FHOD3: variants seen among roughly 807,000 people sequenced by gnomAD.
FHOD3 encodes the protein FH1/FH2 domain-containing protein 3.
FHOD3 carries 90 observed loss-of-function variants against 173.0 expected under a neutral mutation model. The ratio of observed to expected loss-of-function variants is 0.52; its 90% confidence interval spans 0.44 to 0.62. The LOEUF is 0.62. Ranked by LOEUF, FHOD3 falls within the 20% of genes least tolerant of loss-of-function variation. The pLI is 0.00. For missense variants in FHOD3, 1,945 were observed against 2,034.7 expected, an observed-to-expected ratio of 0.96 and a Z score of 0.85; for synonymous variants, 828 against 823.0, an observed-to-expected ratio of 1.01 and a Z score of -0.10.
At chr18:36,566,383 T>C (rs1270007002) in intron 5 of FHOD3, among the ~76,000 whole-genome samples, 1 of 152,214 alleles carries the variant, frequency 6.6e-6, no homozygotes, top group African/African-American at 2.4e-5. Flanking sequence ...TGTAAGGACT[T>C]CTGTTAAATG....
At chr18:36,625,157 A>G (rs993175555) in intron 9 of FHOD3, among the ~76,000 whole-genome samples, 1 of 152,136 alleles carries the variant, frequency 6.6e-6, no homozygotes, top group South Asian at 2.1e-4. Flanking sequence ...CAGAAAAGAG[A>G]CACGGGTGGG....
At chr18:36,710,915 T>C (rs2149689867) in intron 18 of FHOD3, 1 of 152,302 alleles carries the variant, frequency 6.6e-6, no homozygotes, top group Non-Finnish European at 1.5e-5. Context: ...CATAACTGGG[T>C]TTAGCAGGCC....
chr18:36,769,360 A>G lies in FHOD3; in HGVS notation c.4720A>G (p.Thr1574Ala), dbSNP rs761178557. The change falls in exon 28 of 29, where the codon ACC becomes GCC. Residue 1574 changes from threonine to alanine, a missense_variant. Thr to Ala is a moderately conservative substitution (Grantham distance 58). Transcript: ENST00000590592. ...CATGGACCGCATCGTCAAGTCAGCC[A>G]CCCAAGTGCCCAGTCAGCGAGTGGT... ...EIMDRIVKSATQVPSQRVVPR... is the reference protein window; with the variant it reads ...EIMDRIVKSAAQVPSQRVVPR... The G allele has an allele frequency of 4.3e-6, 7 of 1,614,124 alleles. No individual in the cohort carries two copies. Among genetic ancestry groups the G allele is most frequent in the Non-Finnish European group, 5.9e-6 (7 of 1,180,018 alleles).
At chr18:36,508,329 A>G (rs948806880) in intron 4 of FHOD3, among the ~76,000 whole-genome samples, 2 of 152,090 alleles carry the variant, frequency 1.3e-5, no homozygotes, top group African/African-American at 4.8e-5. Flanking sequence ...AAGCACCACT[A>G]GCAACGAGAT....
At chr18:36,504,296 T>C (rs942792061) in intron 4 of FHOD3, among the ~76,000 whole-genome samples, 2 of 152,164 alleles carry the variant, frequency 1.3e-5, no homozygotes, top group African/African-American at 2.4e-5. Flanking sequence ...TTCCTTCTGG[T>C]ATCTCTTCCT....
chr18:36,664,803 AGAGAGAG>A (rs1568572322), intron 14 of FHOD3, among the ~76,000 whole-genome samples: 12 of 150,616 alleles, frequency 8.0e-5, no homozygotes, highest in Admixed American at 3.3e-4. Flanking sequence ...AGAGAGAGAG[AGAGAGAG>A]AGAGATTGAG....
chr18:36,769,976 T>C (rs940868232), intron 28 of FHOD3, among the ~76,000 whole-genome samples: 3 of 152,160 alleles, frequency 2.0e-5, no homozygotes, highest in Non-Finnish European at 4.4e-5. Context: ...TCCCACCAAA[T>C]AGAGGATTCA....
At chr18:36,442,137 GC>G (rs1183193141) in intron 3 of FHOD3, among the ~76,000 whole-genome samples, 1 of 152,164 alleles carries the variant, frequency 6.6e-6, no homozygotes, top group East Asian at 1.9e-4. Flanking sequence ...TTCTGAGAAT[GC>G]CCCCTCCCTG....
chr18:36,682,594 G>GT (rs1413683524), intron 15 of FHOD3, among the ~76,000 whole-genome samples: 1 of 152,004 alleles, frequency 6.6e-6, no homozygotes, highest in Non-Finnish European at 1.5e-5. Flanking sequence ...GTTTTGTTTT[G>GT]TTTTTTGAGA....
At position 36,652,616 on chromosome 18, in the gene FHOD3, G is replaced by C; in HGVS notation, c.1333G>C (p.Ala445Pro). Residue 445 changes from alanine (A) to proline (P), a missense_variant, in exon 12 of 29, where the codon GCT becomes CCT. This residue lies in a region of FHOD3 where 1,099 missense variants were observed against 1,051.2 expected (regional missense o/e 1.05). Transcript: ENST00000590592. The stretch of plus-strand genomic sequence containing the variant: ...GCAGAGCCCCACTGGAAGGGATGCT[G>C]CTCCCAAGAGCTCTGCCCTCCCTGC... ...SGQSPTGRDA[A>P]PKSSALPAVS... 2 of 1,535,006 alleles carry C rather than the reference G, an allele frequency of 1.3e-6. No individual in the cohort carries two copies. Among genetic ancestry groups the C allele is most frequent in the Non-Finnish European group, 8.7e-7 (1 of 1,146,662 alleles).
intron 3 of FHOD3, among the ~76,000 whole-genome samples, chr18:36,429,078 G>T (rs1204448205): frequency 6.6e-6 from 1 of 152,198 alleles, no homozygotes; most frequent in Non-Finnish European, 1.5e-5. Context: ...TCTAGGGAGT[G>T]GCAGCTTGTG....
Position 36,325,494 on chromosome 18 carries a change from C to T in FHOD3, c.165+27494C>T, listed in dbSNP as rs541785575. ...GGTTTATCCTTATCCCTGAGTGCAG[C>T]GAGTGCTTTAGCACTGTGGTCTCTG... On this transcript the variant is annotated intron_variant, in intron 1 of 28. Transcript: ENST00000590592. Among the ~76,000 whole-genome samples the T allele has an allele frequency of 8.5e-5, 13 of 152,256 alleles. No individual in the cohort carries two copies. The South Asian group carries it at 1.0e-3, about 12-fold the overall frequency.
At chr18:36,725,305 C>T (rs1392065173) in intron 19 of FHOD3, among the ~76,000 whole-genome samples, 1 of 152,170 alleles carries the variant, frequency 6.6e-6, no homozygotes, top group Non-Finnish European at 1.5e-5. Context: ...GGCATCCTGG[C>T]CCTCCAGAGG....
intron 10 of FHOD3, among the ~76,000 whole-genome samples, chr18:36,643,078 G>C (rs565308965): frequency 6.6e-6 from 1 of 152,018 alleles, no homozygotes; most frequent in South Asian, 2.1e-4. Context: ...GTCACGTGAA[G>C]CTGGCAATAT....
chr18:36,409,979 G>T lies in FHOD3; in HGVS notation c.337+37235G>T, dbSNP rs533481508. On this transcript the variant is annotated intron_variant, in intron 3 of 28. Transcript: ENST00000590592. ...GGTGTCCCATGCCTGTCATGATGCT[G>T]TGAACCTCCCGGAAGTAGAAGGGCT... 2.6e-5 allele frequency among the ~76,000 whole-genome samples: 4 copies of T among 152,354 alleles called. No individual in the cohort carries two copies. In the South Asian group the frequency reaches 8.3e-4, roughly 32 times the overall value.
At chr18:36,404,756 A>G (rs1486450582) in intron 3 of FHOD3, among the ~76,000 whole-genome samples, 1 of 152,022 alleles carries the variant, frequency 6.6e-6, no homozygotes, top group African/African-American at 2.4e-5. Context: ...TGCTTGCGGT[A>G]TTGTTCCTCC....
intron 13 of FHOD3, among the ~76,000 whole-genome samples, chr18:36,654,179 A>G (rs1384726595): frequency 2.0e-5 from 3 of 152,164 alleles, no homozygotes; most frequent in Non-Finnish European, 4.4e-5. Context: ...TGGGTGCCCT[A>G]CTCAACAGGA....
intron 3 of FHOD3, among the ~76,000 whole-genome samples, chr18:36,374,670 T>C (rs1193393678): frequency 6.6e-6 from 1 of 152,216 alleles, no homozygotes; most frequent in African/African-American, 2.4e-5. Flanking sequence ...TCAAAGAAAC[T>C]AGACTGGAAA....
intron 28 of FHOD3, among the ~76,000 whole-genome samples, chr18:36,773,791 C>T (rs896013378): frequency 1.3e-5 from 2 of 152,182 alleles, no homozygotes; most frequent in African/African-American, 4.8e-5. Flanking sequence ...CCACACTGTC[C>T]ACTTCACTCT....
Sources: gnomAD v4.1 joint callset for allele counts (sites outside exome capture counted in the v4.1 genomes callset) on GRCh38, gnomAD v4.1.1 for gene constraint, gnomAD v4.1.1 regional missense constraint, MANE v1.5 for transcripts, NCBI Gene and HGNC (gene_info 2026-07-23, HGNC 2026-07-21) for gene names.